The following EFL1 variants were observed in gnomAD, a reference collection of about 807,000 sequenced individuals.
EFL1 encodes elongation factor-like GTPase 1.
A neutral mutation model predicts 126.7 loss-of-function variants in EFL1; 76 were observed. The observed-to-expected ratio is 0.60, with a 90% CI of 0.50 to 0.73. The LOEUF (loss-of-function observed/expected upper bound fraction) is 0.73. Among genes scored for constraint, EFL1 ranks in the 30% least tolerant of loss-of-function variants. EFL1 has a pLI of 0.00. For synonymous variants in EFL1, 410 were observed against 448.4 expected (o/e 0.91, Z 1.08); for missense variants, 1,128 against 1,343.2 (o/e 0.84, Z 2.50).
At chr15:82,176,089 G>C (rs978812901) in intron 15 of EFL1, among the ~76,000 whole-genome samples, 1 of 152,168 alleles carries the variant, frequency 6.6e-6, no homozygotes, top group Non-Finnish European at 1.5e-5. Context: ...TGACACTGCA[G>C]TACAGTGGGG....
At chr15:82,208,583 T>C (rs1024613754) in intron 15 of EFL1, among the ~76,000 whole-genome samples, 1 of 152,148 alleles carries the variant, frequency 6.6e-6, no homozygotes, top group Non-Finnish European at 1.5e-5. Flanking sequence ...CTGGATAAAA[T>C]GCTAGTATGT....
intron 17 of EFL1, chr15:82,157,452 C>T: frequency 6.6e-6 from 2 of 302,710 alleles, no homozygotes; most frequent in Non-Finnish European, 1.2e-5. Context: ...TGTGTACATG[C>T]TTAAAGTAAA....
intron 3 of EFL1, among the ~76,000 whole-genome samples, chr15:82,255,451 C>T (rs150395509): frequency 6.6e-6 from 1 of 152,060 alleles, no homozygotes; most frequent in African/African-American, 2.4e-5. Flanking sequence ...TCACAGTTAC[C>T]AGGCTTGTTT....
chr15:82,158,576 T>C (rs1263796877), intron 16 of EFL1, among the ~76,000 whole-genome samples: 1 of 152,182 alleles, frequency 6.6e-6, no homozygotes, highest in Non-Finnish European at 1.5e-5. Flanking sequence ...GAAACCTTGG[T>C]CTTAAAGACG....
At chr15:82,262,506 C>G (rs1444723938) in intron 1 of EFL1, 108 bp downstream of exon 1, 13 of 197,280 alleles carry the variant, frequency 6.6e-5, no homozygotes, top group Non-Finnish European at 3.1e-5. Context: ...AGCCCGCGCT[C>G]GGCCCCAGCC....
At chr15:82,146,321 G>C (rs2073845476) in intron 18 of EFL1, among the ~76,000 whole-genome samples, 1 of 152,122 alleles carries the variant, frequency 6.6e-6, no homozygotes, top group African/African-American at 2.4e-5. Flanking sequence ...CCGATTCTTG[G>C]AGAATCAAAA....
chr15:82,233,239 G>C (rs186433431), intron 7 of EFL1, among the ~76,000 whole-genome samples: 1 of 152,006 alleles, frequency 6.6e-6, no homozygotes, highest in South Asian at 2.1e-4. Flanking sequence ...CAACCCATTC[G>C]ACATTACTGC....
chr15:82,158,852 C>T (rs2073993871), intron 16 of EFL1, among the ~76,000 whole-genome samples: 1 of 152,176 alleles, frequency 6.6e-6, no homozygotes, highest in African/African-American at 2.4e-5. Flanking sequence ...TATATGAGCT[C>T]ATTAACGATG....
chr15:82,146,996 T>C, intron 18 of EFL1, among the ~76,000 whole-genome samples: 1 of 152,038 alleles, frequency 6.6e-6, no homozygotes, highest in Non-Finnish European at 1.5e-5. Flanking sequence ...TATTTTGAGG[T>C]ATTATCCTAG....
rs542764079 is a variant in EFL1 at position 82,181,619 on chromosome 15, T to C, written c.1751-17635A>G. Among the ~76,000 whole-genome samples, 180 of 125,254 alleles carry C rather than the reference T, an allele frequency of 1.4e-3. 1 individual carries two copies. Among genetic ancestry groups the C allele is most frequent in the African/African-American group, 5.7e-3 (171 of 30,236 alleles). 82.2% of individuals were successfully genotyped at this position (125,254 alleles called of 152,430 possible). Reference sequence around the variant, plus strand: ...AAGCATGAATTCTAATTTATGTGTGTGCATGTGTGTGTGTGTGTGTGTGTG... The same window carrying C: ...AAGCATGAATTCTAATTTATGTGTGCGCATGTGTGTGTGTGTGTGTGTGTG... On this transcript the variant is annotated intron_variant, in intron 15 of 19. Coordinates refer to ENST00000268206, the MANE Select transcript of EFL1 (RefSeq NM_024580.6).
intron 18 of EFL1, among the ~76,000 whole-genome samples, chr15:82,144,338 T>C (rs1171984092): frequency 6.6e-6 from 1 of 151,808 alleles, no homozygotes; most frequent in African/African-American, 2.4e-5. Flanking sequence ...TTAGGCTTAA[T>C]AGTAGTCTTC....
At chr15:82,203,206 T>G (rs2074489063) in intron 15 of EFL1, among the ~76,000 whole-genome samples, 1 of 152,224 alleles carries the variant, frequency 6.6e-6, no homozygotes, top group Non-Finnish European at 1.5e-5. Context: ...CCACTACTCA[T>G]CTTAAGAAAC....
At chr15:82,172,667 A>C (rs1320708322) in intron 15 of EFL1, among the ~76,000 whole-genome samples, 1 of 152,234 alleles carries the variant, frequency 6.6e-6, no homozygotes, top group Non-Finnish European at 1.5e-5. Context: ...AATCAAAGGA[A>C]GAATGAACTT....
At chr15:82,198,073 C>T (rs746042332) in intron 15 of EFL1, among the ~76,000 whole-genome samples, 15 of 152,210 alleles carry the variant, frequency 9.9e-5, no homozygotes, top group Non-Finnish European at 1.9e-4. Flanking sequence ...CAGTTACAGG[C>T]TACACGTTTT....
At chr15:82,231,965 C>T (rs1215024677) in intron 7 of EFL1, among the ~76,000 whole-genome samples, 4 of 152,150 alleles carry the variant, frequency 2.6e-5, no homozygotes, top group African/African-American at 7.2e-5. Flanking sequence ...ACACCCAGAA[C>T]GGCACACAGA....
At chr15:82,225,665 T>C (rs940106336) in intron 11 of EFL1, among the ~76,000 whole-genome samples, 1 of 152,134 alleles carries the variant, frequency 6.6e-6, no homozygotes, top group African/African-American at 2.4e-5. Context: ...GTTAATAAGA[T>C]ACATAAAAAT....
At chr15:82,199,722 C>T (rs548631113) in intron 15 of EFL1, among the ~76,000 whole-genome samples, 2 of 152,188 alleles carry the variant, frequency 1.3e-5, no homozygotes, top group South Asian at 2.1e-4. Flanking sequence ...AAGAATACAC[C>T]GATAACACCT....
At chr15:82,205,559 C>G (rs1567062455) in intron 15 of EFL1, among the ~76,000 whole-genome samples, 1 of 152,074 alleles carries the variant, frequency 6.6e-6, no homozygotes, top group African/African-American at 2.4e-5. Flanking sequence ...CACACACACA[C>G]AAACACACTC....
chr15:82,255,705 G>T (rs1355884816), intron 3 of EFL1, among the ~76,000 whole-genome samples: 1 of 151,982 alleles, frequency 6.6e-6, no homozygotes, highest in African/African-American at 2.4e-5. Flanking sequence ...TTTCCACAGG[G>T]ATAACCAGTT....
Sources: gnomAD v4.1 joint callset for allele counts (sites outside exome capture counted in the v4.1 genomes callset) on GRCh38, gnomAD v4.1.1 for gene constraint, MANE v1.5 for transcripts, NCBI Gene and HGNC (gene_info 2026-07-23, HGNC 2026-07-21) for gene names.